Variants in ELAVL4 observed in about 807,000 individuals in gnomAD.
ELAVL4 encodes ELAV like RNA binding protein 4.
In ELAVL4, 1 loss-of-function variant was observed where a neutral mutation model predicts 35.6. The ratio of observed to expected loss-of-function variants is 0.03; its 90% CI spans 0.01 to 0.13. The LOEUF (loss-of-function observed/expected upper bound fraction) is 0.13, where lower values mean the gene tolerates loss of function less well. Ranked by LOEUF, ELAVL4 falls within the 10% of genes least tolerant of loss-of-function variation. The probability of loss-of-function intolerance (pLI) is 1.00; values close to 1 mark genes in which losing one functional copy is unlikely to be tolerated. For missense variants in ELAVL4, 267 were observed against 464.9 expected (o/e 0.57, Z 3.91); for synonymous variants, 156 against 171.0 (o/e 0.91, Z 0.69).
rs546353471 is a variant in ELAVL4, at chr1:50,171,926, A to G, written c.251-5163A>G. 5.6e-4 allele frequency among the ~76,000 whole-genome samples: 86 copies of G among 152,294 alleles called. 1 individual carries two copies. The highest frequency in any genetic ancestry group is 1.9e-3 in the African/African-American group (79 of 41,576). On this transcript the variant is annotated intron_variant, in intron 2 of 6. Transcript: ENST00000371824. Reference sequence around the variant, plus strand: ...GAGGTGACTGGGGATTTTATCATGCACTTTCAGAACAGGATTTCAGCCTGA... The same window carrying G: ...GAGGTGACTGGGGATTTTATCATGCGCTTTCAGAACAGGATTTCAGCCTGA...
chr1:50,129,314 A>G (rs904196780), intron 1 of ELAVL4, among the ~76,000 whole-genome samples: 17 of 152,032 alleles, frequency 1.1e-4, no homozygotes, highest in African/African-American at 3.6e-4. Flanking sequence ...TGGAGGATGG[A>G]CCAAGAACAA....
At chr1:50,158,145 T>G (rs1490379526) in intron 2 of ELAVL4, among the ~76,000 whole-genome samples, 1 of 152,210 alleles carries the variant, frequency 6.6e-6, no homozygotes, top group East Asian at 1.9e-4. Flanking sequence ...TTAATTTATG[T>G]AAACTACCCA....
At chr1:50,161,611 G>C (rs1676822370) in intron 2 of ELAVL4, among the ~76,000 whole-genome samples, 2 of 152,174 alleles carry the variant, frequency 1.3e-5, no homozygotes, top group Admixed American at 1.3e-4. Flanking sequence ...GTGTATTTTT[G>C]AAATGTGTAT....
At chr1:50,160,612 A>G (rs1193592149) in intron 2 of ELAVL4, among the ~76,000 whole-genome samples, 1 of 152,158 alleles carries the variant, frequency 6.6e-6, no homozygotes, top group Non-Finnish European at 1.5e-5. Context: ...AAGGCCAGAG[A>G]GCACCTTAGT....
At chr1:50,172,788 A>C (rs1012488526) in intron 2 of ELAVL4, among the ~76,000 whole-genome samples, 1 of 152,206 alleles carries the variant, frequency 6.6e-6, no homozygotes, top group Non-Finnish European at 1.5e-5. Flanking sequence ...TCTCTCAAAC[A>C]GGGTTGTTGA....
chr1:50,108,900 A>T, upstream of ELAVL4: 1 of 1,078,732 alleles, frequency 9.3e-7, no homozygotes, highest in Non-Finnish European at 1.1e-6. Flanking sequence ...CCATAAATGG[A>T]TGTAAAAAGG....
chr1:50,189,152 C>T (rs1031596202), intron 3 of ELAVL4, among the ~76,000 whole-genome samples: 3 of 152,218 alleles, frequency 2.0e-5, no homozygotes, highest in African/African-American at 7.2e-5. Context: ...TCATTGCACC[C>T]AACATGCCTT....
At chr1:50,163,718 C>T (rs1677218711) in intron 2 of ELAVL4, among the ~76,000 whole-genome samples, 2 of 151,996 alleles carry the variant, frequency 1.3e-5, no homozygotes, top group South Asian at 2.1e-4. Flanking sequence ...CCCAGCTACT[C>T]GGGAGGCTAA....
chr1:50,153,096 G>C (rs35513672), intron 2 of ELAVL4, among the ~76,000 whole-genome samples: 1 of 152,082 alleles, frequency 6.6e-6, no homozygotes, highest in African/African-American at 2.4e-5. Flanking sequence ...TGGAAGTGAC[G>C]GGGAGCTGGC....
intron 1 of ELAVL4, among the ~76,000 whole-genome samples, chr1:50,119,802 A>C (rs1029230199): frequency 6.6e-6 from 1 of 151,842 alleles, no homozygotes; most frequent in African/African-American, 2.4e-5. Context: ...ATCATCTTTC[A>C]TGTTCACTCA....
chr1:50,169,638 T>G (rs893535403), intron 2 of ELAVL4, among the ~76,000 whole-genome samples: 2 of 152,216 alleles, frequency 1.3e-5, no homozygotes, highest in African/African-American at 2.4e-5. Context: ...TAACACATGC[T>G]CACTAAATAT....
At chr1:50,068,856 G>A (rs1026965174) in intron 1 of ELAVL4, among the ~76,000 whole-genome samples, 1 of 152,158 alleles carries the variant, frequency 6.6e-6, no homozygotes, top group Admixed American at 6.5e-5. Context: ...TAATAACAAC[G>A]CTTTACTTAA....
chr1:50,194,250 T>C (rs1242277365), intron 4 of ELAVL4, among the ~76,000 whole-genome samples: 2 of 152,198 alleles, frequency 1.3e-5, no homozygotes, highest in Non-Finnish European at 2.9e-5. Context: ...ATTACTTTTG[T>C]ATGTGAAAAG....
At chr1:50,114,603 G>A (rs572909444) in intron 1 of ELAVL4, among the ~76,000 whole-genome samples, 7 of 152,124 alleles carry the variant, frequency 4.6e-5, no homozygotes, top group South Asian at 4.2e-4. Context: ...GCATCTTTCC[G>A]GTATAGGAGA....
At chr1:50,109,769 C>A in intron 1 of ELAVL4, 1 of 711,942 alleles carries the variant, frequency 1.4e-6, no homozygotes, top group Non-Finnish European at 2.4e-6. Context: ...AGTTTCCTGT[C>A]ATGACCTCAT....
At chr1:50,195,895 C>A in intron 5 of ELAVL4, 109 bp downstream of exon 5, 1 of 1,276,288 alleles carries the variant, frequency 7.8e-7, no homozygotes, top group East Asian at 2.5e-5. Flanking sequence ...AGCTTCCACC[C>A]CCAGGAATCA....
At chr1:50,183,414 C>G (rs779924674) in intron 3 of ELAVL4, among the ~76,000 whole-genome samples, 1 of 152,070 alleles carries the variant, frequency 6.6e-6, no homozygotes, top group Non-Finnish European at 1.5e-5. Context: ...AAGAAAGACA[C>G]TTAGCCATGA....
intron 3 of ELAVL4, among the ~76,000 whole-genome samples, chr1:50,178,052 G>A (rs1462689623): frequency 1.3e-5 from 2 of 152,198 alleles, no homozygotes; most frequent in African/African-American, 2.4e-5. Context: ...GGCAGCCGGT[G>A]GTGGTCTAGT....
At chr1:50,053,322 G>A (rs1255325133) in intron 1 of ELAVL4, among the ~76,000 whole-genome samples, 2 of 152,028 alleles carry the variant, frequency 1.3e-5, no homozygotes, top group Non-Finnish European at 2.9e-5. Flanking sequence ...AACCATTTCA[G>A]ATGACTGATG....
Sources: gnomAD v4.1 joint callset for allele counts (sites outside exome capture counted in the v4.1 genomes callset) on GRCh38, gnomAD v4.1.1 for gene constraint, MANE v1.5 for transcripts, NCBI Gene and HGNC (gene_info 2026-07-23, HGNC 2026-07-21) for gene names.